FHIT: variants seen among roughly 807,000 people sequenced by gnomAD.
FHIT encodes bis(5'-adenosyl)-triphosphatase.
A neutral mutation model predicts 17.9 loss-of-function variants in FHIT; 19 were observed. The ratio of observed to expected loss-of-function variants is 1.06; its 90% confidence interval spans 0.74 to 1.56. The LOEUF (loss-of-function observed/expected upper bound fraction) is 1.56, where lower values mean the gene tolerates loss of function less well. Ranked by LOEUF, FHIT falls within the 40% of genes most tolerant of loss-of-function variation. FHIT has a pLI of 0.00. For missense variants in FHIT, 248 were observed against 189.2 expected (o/e 1.31, Z -1.82); for synonymous variants, 81 against 69.7 (o/e 1.16, Z -0.81).
chr3:59,888,614 A>G (rs544359020), intron 8 of FHIT, among the ~76,000 whole-genome samples: 1 of 152,314 alleles, frequency 6.6e-6, no homozygotes, highest in East Asian at 1.9e-4. Context: ...TCAGAAAGGA[A>G]ATGGTCTATA....
chr3:60,954,028 T>G (rs2107468414), intron 3 of FHIT, among the ~76,000 whole-genome samples: 1 of 152,340 alleles, frequency 6.6e-6, no homozygotes, highest in Middle Eastern at 3.4e-3. Context: ...TGCACCCTAA[T>G]TATGTAAATC....
At chr3:60,110,131 C>T (rs547926457) in intron 5 of FHIT, among the ~76,000 whole-genome samples, 14 of 152,154 alleles carry the variant, frequency 9.2e-5, no homozygotes, top group African/African-American at 3.4e-4. Context: ...CTATTCCCAG[C>T]GTCCTCTCAT....
chr3:60,035,723 A>G (rs1701189303), intron 5 of FHIT, among the ~76,000 whole-genome samples: 1 of 152,182 alleles, frequency 6.6e-6, no homozygotes, highest in South Asian at 2.1e-4. Flanking sequence ...CTGTCCTTCC[A>G]ATTTTGTTTC....
intron 5 of FHIT, among the ~76,000 whole-genome samples, chr3:60,310,889 T>C (rs1708913185): frequency 6.6e-6 from 1 of 152,176 alleles, no homozygotes; most frequent in South Asian, 2.1e-4. Context: ...ACTTTCTTGC[T>C]TGCTTTCTCT....
intron 3 of FHIT, among the ~76,000 whole-genome samples, chr3:60,938,961 A>G (rs1369769248): frequency 6.6e-6 from 1 of 152,124 alleles, no homozygotes; most frequent in Non-Finnish European, 1.5e-5. Context: ...AAGTTATTCT[A>G]TTTCTTCCGC....
intron 7 of FHIT, among the ~76,000 whole-genome samples, chr3:59,940,992 A>G (rs1706487204): frequency 6.6e-6 from 1 of 152,092 alleles, no homozygotes; most frequent in African/African-American, 2.4e-5. Flanking sequence ...TTTTGTTCCC[A>G]TACTCACGGC....
chr3:60,501,774 T>A (rs1477260658), intron 5 of FHIT, among the ~76,000 whole-genome samples: 1 of 152,384 alleles, frequency 6.6e-6, no homozygotes, highest in African/African-American at 2.4e-5. Flanking sequence ...ACCACTACTT[T>A]CCTCTATTGG....
At chr3:60,309,758 T>C (rs1358497936) in intron 5 of FHIT, among the ~76,000 whole-genome samples, 5 of 151,978 alleles carry the variant, frequency 3.3e-5, no homozygotes, top group Admixed American at 3.3e-4. Context: ...TTTTTTTCAA[T>C]ATAGAACCAT....
chr3:60,930,937 T>C (rs538656628), intron 3 of FHIT, among the ~76,000 whole-genome samples: 1 of 152,278 alleles, frequency 6.6e-6, no homozygotes, highest in Admixed American at 6.5e-5. Flanking sequence ...CGGCACTATT[T>C]ACAATAGCAA....
chr3:60,505,550 TTC>T (rs1559498880), intron 5 of FHIT, among the ~76,000 whole-genome samples: 2 of 152,102 alleles, frequency 1.3e-5, no homozygotes, highest in Non-Finnish European at 2.9e-5. Flanking sequence ...CAGACGCACA[TTC>T]TCTCTCATAT....
intron 2 of FHIT, among the ~76,000 whole-genome samples, chr3:61,083,394 T>C (rs2035205844): frequency 6.6e-6 from 1 of 152,068 alleles, no homozygotes; most frequent in African/African-American, 2.4e-5. Context: ...ATCGAGACCA[T>C]CCTGGCTACC....
Position 60,248,311 on chromosome 3 carries a change from T to C in FHIT, c.104-234159A>G, listed in dbSNP as rs868177797. Among the ~76,000 whole-genome samples, 51 of 152,288 alleles carry C rather than the reference T, an allele frequency of 3.3e-4. No homozygotes were observed. In the Middle Eastern group the frequency reaches 0.01, roughly 30 times the overall value. ...CTGAGGTGATAAACAATTCAGAACT[T>C]TCATATCATTGGGGAATTACATTTA... is the stretch of plus-strand genomic sequence containing the variant. On this transcript the variant is annotated intron_variant, in intron 5 of 9. Coordinates refer to ENST00000492590, the MANE Select transcript of FHIT (RefSeq NM_002012.4).
At chr3:60,774,461 T>C (rs369490272) in intron 4 of FHIT, among the ~76,000 whole-genome samples, 19 of 151,980 alleles carry the variant, frequency 1.3e-4, no homozygotes, top group African/African-American at 4.3e-4. Context: ...CCACCACGCC[T>C]GGCTAATTTT....
chr3:60,783,158 T>A (rs1014361108), intron 4 of FHIT, among the ~76,000 whole-genome samples: 2 of 152,134 alleles, frequency 1.3e-5, no homozygotes, highest in African/African-American at 2.4e-5. Context: ...TTGCATTTTT[T>A]TTTTTGTAGA....
chr3:60,227,506 T>C (rs557876131), intron 5 of FHIT, among the ~76,000 whole-genome samples: 24 of 152,304 alleles, frequency 1.6e-4, no homozygotes, highest in African/African-American at 5.8e-4. Context: ...TTGAGGGCTG[T>C]CTTCAAATTT....
rs1223960698 is a variant in FHIT at position 59,752,247 on chromosome 3, A to G, written c.423T>C (p.Ala141=). The change falls in exon 9 of 10, where the codon GCT becomes GCC. Residue 141 remains alanine, a synonymous_variant. Transcript: ENST00000492590. ...TGTGTCACTGAAAGTAGACCCGCAGAGCTGCGGCTTCTGCTGCCATTTCCT... is the reference window on the plus strand; with the variant it reads ...TGTGTCACTGAAAGTAGACCCGCAGGGCTGCGGCTTCTGCTGCCATTTCCT... ...SEEEMAAEAA[A]LRVYFQ The G allele has an allele frequency of 1.2e-6, 2 of 1,612,962 alleles. No homozygotes were observed. Among genetic ancestry groups the G allele is most frequent in the African/African-American group, 2.7e-5 (2 of 74,826 alleles).
chr3:60,791,753 G>A (rs1420781695), intron 4 of FHIT, among the ~76,000 whole-genome samples: 1 of 152,162 alleles, frequency 6.6e-6, no homozygotes, highest in African/African-American at 2.4e-5. Flanking sequence ...TCTGAATAAT[G>A]TGAGGGCCAG....
intron 4 of FHIT, among the ~76,000 whole-genome samples, chr3:60,558,334 G>C (rs1158888743): frequency 6.6e-6 from 1 of 151,868 alleles, no homozygotes; most frequent in African/African-American, 2.4e-5. Flanking sequence ...AGGGTTTCAA[G>C]CATCAATTAC....
intron 5 of FHIT, among the ~76,000 whole-genome samples, chr3:60,494,160 TTTTC>T (rs1257246343): frequency 3.9e-5 from 6 of 152,190 alleles, no homozygotes; most frequent in Non-Finnish European, 4.4e-5. Context: ...TTCCAGAATG[TTTTC>T]ATCATCCCAA....
Sources: gnomAD v4.1 joint callset for allele counts (sites outside exome capture counted in the v4.1 genomes callset) on GRCh38, gnomAD v4.1.1 for gene constraint, MANE v1.5 for transcripts, NCBI Gene and HGNC (gene_info 2026-07-23, HGNC 2026-07-21) for gene names.